Variants in ITGAD observed in about 807,000 individuals in gnomAD.
The protein encoded by ITGAD is integrin subunit alpha D, also known as integrin alpha-D.
In ITGAD, 105 loss-of-function variants were observed where a neutral mutation model predicts 139.0. That is an observed-to-expected ratio of 0.76 (90% CI 0.65 to 0.89). ITGAD has a LOEUF of 0.89. Ranked by LOEUF, ITGAD falls within the 40% of genes least tolerant of loss-of-function variation. ITGAD has a pLI of 0.00. For synonymous variants in ITGAD, 569 were observed against 598.3 expected (o/e 0.95, Z 0.71); for missense variants, 1,384 against 1,487.3 (o/e 0.93, Z 1.14).
intron 16 of ITGAD, among the ~76,000 whole-genome samples, chr16:31,414,007 TG>T (rs1050187724): frequency 3.7e-4 from 56 of 152,200 alleles, no homozygotes; most frequent in African/African-American, 1.2e-3. Flanking sequence ...TTCATGAGAG[TG>T]GGGGCCATAT....
Position 31,403,425 on chromosome 16 carries a change from G to T in ITGAD, c.559-75G>T. Reference sequence around the variant, plus strand: ...TGAGGCCAGGAGTTTGAGAGACCCTGTCTCTACAAAAAATTAAAATAAAAA... The same window carrying T: ...TGAGGCCAGGAGTTTGAGAGACCCTTTCTCTACAAAAAATTAAAATAAAAA... On this transcript the variant is annotated intron_variant, in intron 6 of 29. Transcript: ENST00000389202. The surrounding 1 kb of genome is among the most constrained non-coding windows in gnomAD (Gnocchi z 4.4). 1 of 1,569,988 alleles carries T rather than the reference G, an allele frequency of 6.4e-7. No homozygotes were observed. The highest frequency in any genetic ancestry group is 1.1e-5 in the South Asian group (1 of 87,490).
chr16:31,396,354 T>C (rs1385478256), intron 2 of ITGAD, among the ~76,000 whole-genome samples: 1 of 152,128 alleles, frequency 6.6e-6, no homozygotes, highest in Non-Finnish European at 1.5e-5. Context: ...GTGCCTGTAA[T>C]CCCAGCTAGC....
In ITGAD at chr16:31,410,410, G is replaced by A. The variant is rs778335533; in HGVS notation, c.1099G>A (p.Gly367Arg). The A allele has an allele frequency of 9.9e-6, 16 of 1,613,940 alleles. No individual in the cohort carries two copies. The African/African-American group carries it at 1.9e-4, about 19-fold the overall frequency. The change falls in exon 11 of 30, where the codon GGG (glycine) becomes AGG (arginine). Residue 367 changes from glycine (G) to arginine (R), a missense_variant. Transcript: ENST00000389202. ...TALTMDGLFL[G>R]AVGSFSWSGG... ...TTCCTCCCAGGATGGCCTCTTCCTG[G>A]GGGCTGTGGGGAGCTTTAGCTGGTC...
chr16:31,394,672 C>T (rs1289744973), intron 2 of ITGAD, among the ~76,000 whole-genome samples: 5 of 152,074 alleles, frequency 3.3e-5, no homozygotes, highest in African/African-American at 1.2e-4. Context: ...TCTTGAAATT[C>T]CTGATTATTT....
Position 31,407,843 on chromosome 16 carries a change from G to T in ITGAD, c.936G>T (p.Val312=), listed in dbSNP as rs780650502. Residue 312 remains valine, a synonymous_variant, in exon 9 of 30, where the codon GTG becomes GTT. Transcript: ENST00000389202. ...TISSAPPQDH[V]FKVDNFAALG... is the part of the protein sequence containing the mutation. ...GCTCAGCGCCTCCGCAGGACCACGT[G>T]TTCAAGGTGGACAACTTTGCAGCCC... The T allele has an allele frequency of 1.9e-6, 3 of 1,610,092 alleles. No homozygotes were observed. Among genetic ancestry groups the T allele is most frequent in the Admixed American group, 1.7e-5 (1 of 59,956 alleles).
chr16:31,419,024 A>AC (rs150286819), intron 23 of ITGAD, among the ~76,000 whole-genome samples: 1 of 11,196 alleles, frequency 8.9e-5, no homozygotes, highest in Non-Finnish European at 2.0e-4. Context: ...ACTCTGTCTC[A>AC]AAAAAAAAAA....
chr16:31,399,947 G>A (rs2081362449), intron 5 of ITGAD, among the ~76,000 whole-genome samples: 1 of 152,230 alleles, frequency 6.6e-6, no homozygotes, highest in Non-Finnish European at 1.5e-5. Context: ...GCAGAGCCCA[G>A]AGCTTGAGCC....
Position 31,403,729 on chromosome 16 carries a change from TGAGG to T in ITGAD, c.704+89_704+92del. The stretch of plus-strand genomic sequence containing the variant: ...GGTCAGCACAGCTCTTCTCAGAGGC[TGAGG>T]GAGGCTCCAGGGAAAGGGGCTACCA... On this transcript the variant is annotated intron_variant, in intron 7 of 29. Transcript: ENST00000389202. This position sits in a 1 kb window ranked among gnomAD's most constrained non-coding sequence, Gnocchi z 4.4. The T allele has an allele frequency of 6.5e-7, 1 of 1,535,506 alleles. No homozygotes were observed. Among genetic ancestry groups the T allele is most frequent in the East Asian group, 2.3e-5 (1 of 44,218 alleles).
intron 2 of ITGAD, among the ~76,000 whole-genome samples, chr16:31,396,992 A>T (rs1360327432): frequency 6.6e-6 from 1 of 151,962 alleles, no homozygotes; most frequent in East Asian, 1.9e-4. Context: ...GGGTGGTTCA[A>T]AATAATGGCA....
chr16:31,419,064 A>C (rs2081957584), intron 23 of ITGAD, among the ~76,000 whole-genome samples: 1 of 145,694 alleles, frequency 6.9e-6, no homozygotes, highest in African/African-American at 2.6e-5. Context: ...CTGGTGGCGC[A>C]TGCCTGTAAT....
At chr16:31,398,675 G>T (rs2081333861) in intron 5 of ITGAD, among the ~76,000 whole-genome samples, 1 of 151,840 alleles carries the variant, frequency 6.6e-6, no homozygotes, top group African/African-American at 2.4e-5. Flanking sequence ...GTAGAGATGG[G>T]GGTCTTGCTA....
At position 31,410,506 on chromosome 16, in the gene ITGAD, A is replaced by G. The variant is rs1208932856; in HGVS notation, c.1195A>G (p.Met399Val). 6.3e-7 allele frequency: 1 copy of G among 1,578,100 alleles called. No individual in the cohort carries two copies. The highest frequency in any genetic ancestry group is 2.4e-5 in the East Asian group (1 of 42,550). The change falls in exon 11 of 30, where the codon ATG becomes GTG. Residue 399 changes from methionine to valine, a missense_variant. By Grantham distance (21) the Met-to-Val change is conservative (BLOSUM62 1). Transcript: ENST00000389202. ...FINMSQENVD[M>V]RDSYLGYSTE... ...CAACATGTCTCAGGAGAATGTGGAC[A>G]TGAGGGACTCTTACCTGGGTGAGAA...
In ITGAD at chr16:31,414,447, T is replaced by C; in HGVS notation, c.1997-4T>C. 1 of 1,613,886 alleles carries C rather than the reference T, an allele frequency of 6.2e-7. No individual in the cohort carries two copies. ...TTCATTTTGCACTCTCCCCTGCACT[T>C]CAGGTGACATCCAAAGCTCTGTCAG... On this transcript the variant is annotated splice_polypyrimidine_tract_variant and splice_region_variant and intron_variant, in intron 16 of 29. Transcript: ENST00000389202.
intron 7 of ITGAD, among the ~76,000 whole-genome samples, 178 bp from the exon 8 acceptor site, chr16:31,407,337 C>T (rs2081563646): frequency 6.6e-6 from 1 of 152,198 alleles, no homozygotes; most frequent in African/African-American, 2.4e-5. Context: ...GCCTGGGCAT[C>T]AGAGCGAGAC....
Position 31,414,864 on chromosome 16 carries a change from G to A in ITGAD, c.2156G>A (p.Cys719Tyr), listed in dbSNP as rs201384510. The A allele has an allele frequency of 6.2e-7, 1 of 1,614,048 alleles. No individual in the cohort carries two copies. Among genetic ancestry groups the A allele is most frequent in the East Asian group, 2.2e-5 (1 of 44,882 alleles). The part of the protein sequence containing the change: ...CETLKLLLPD[C>Y]VEDVVSPIIL... ...TGAAAGCCTGTTCTCTCTCAGGATT[G>A]TGTGGAGGATGTGGTGAGCCCCATC... Residue 719 changes from cysteine to tyrosine, a missense_variant, in exon 18 of 30, where the codon TGT becomes TAT. Coordinates refer to ENST00000389202, the MANE Select transcript of ITGAD (RefSeq NM_005353.3).
At chr16:31,406,037 A>C (rs2081531965) in intron 7 of ITGAD, among the ~76,000 whole-genome samples, 1 of 151,074 alleles carries the variant, frequency 6.6e-6, no homozygotes, top group Non-Finnish European at 1.5e-5. Context: ...CTCTGAGTTT[A>C]TCTGAGTTTA....
chr16:31,397,507 C>A (rs903296953), intron 3 of ITGAD, 45 bp downstream of exon 3: 4 of 1,580,030 alleles, frequency 2.5e-6, no homozygotes, highest in Non-Finnish European at 3.4e-6. Context: ...CTCCTGGACC[C>A]AACTGTGCCC....
intron 12 of ITGAD, 48 bp downstream of exon 12, chr16:31,410,926 A>C: frequency 1.7e-6 from 1 of 586,866 alleles, no homozygotes; most frequent in Non-Finnish European, 2.7e-6. Flanking sequence ...GGGGAGGATG[A>C]GGGTGGGGAC....
chr16:31,403,803 C>T lies in ITGAD; in HGVS notation c.704+158C>T, dbSNP rs1204032421. 1.2e-6 allele frequency: 1 copy of T among 838,802 alleles called. No homozygotes were observed. The highest frequency in any genetic ancestry group is 2.7e-5 in the East Asian group (1 of 37,620). The allele number at this position is 838,802 out of a possible 1,614,324, so 52.0% of individuals were successfully genotyped here. A position where few individuals can be genotyped will look rare whatever the true frequency, so the allele number is the denominator to read the frequency against. On this transcript the variant is annotated intron_variant, in intron 7 of 29. Transcript: ENST00000389202. The surrounding 1 kb of genome is among the most constrained non-coding windows in gnomAD (Gnocchi z 4.4). ...AGGGAGAACCTCCCCCCGGGGTGCT[C>T]CTGGTTGCCTCGCTGCCAGTCTCCC... is the stretch of plus-strand genomic sequence containing the variant.
Sources: allele counts gnomAD v4.1 joint callset (sites outside exome capture counted in the v4.1 genomes callset), GRCh38; gene constraint gnomAD v4.1.1; non-coding constraint Gnocchi (gnomAD v3.1); transcripts MANE v1.5; gene names NCBI Gene and HGNC (gene_info 2026-07-23, HGNC 2026-07-21).